ANO6: variants seen among roughly 807,000 people sequenced by gnomAD.
The protein encoded by ANO6 is anoctamin-6.
Under a neutral mutation model 117.5 loss-of-function variants are expected in ANO6, and 106 were observed. That is an observed-to-expected ratio of 0.90 (90% CI 0.77 to 1.06). ANO6 has a LOEUF of 1.06. Ranked by LOEUF, ANO6 falls within the 50% of genes least tolerant of loss-of-function variation. ANO6 has a pLI of 0.00. For missense variants in ANO6, 955 were observed against 1,121.1 expected (o/e 0.85, Z 2.12); for synonymous variants, 367 against 385.1 (o/e 0.95, Z 0.55).
chr12:45,280,917 T>C (rs1279911500), intron 1 of ANO6, among the ~76,000 whole-genome samples: 1 of 152,016 alleles, frequency 6.6e-6, no homozygotes, highest in Non-Finnish European at 1.5e-5. Context: ...ATTTTATATA[T>C]AATGCATATA....
downstream of ANO6, among the ~76,000 whole-genome samples, chr12:45,433,081 C>T (rs991078364): frequency 1.3e-5 from 2 of 152,196 alleles, no homozygotes; most frequent in African/African-American, 4.8e-5. Flanking sequence ...CTGACAGCTT[C>T]CCTAATTTTG....
chr12:45,315,793 G>A lies in ANO6; in HGVS notation c.150+13700G>A, dbSNP rs544303914. ...AAATGTAATCATCATCCTCTCAGCCGCTCAAGCCAGAAACCTCAGGATCTT... is the reference window on the plus strand; with the variant it reads ...AAATGTAATCATCATCCTCTCAGCCACTCAAGCCAGAAACCTCAGGATCTT... On this transcript the variant is annotated intron_variant, in intron 2 of 19. Transcript: ENST00000320560. Among the ~76,000 whole-genome samples, 58 of 152,048 alleles carry A rather than the reference G, an allele frequency of 3.8e-4. No individual in the cohort carries two copies. In the East Asian group the frequency reaches 9.1e-3, roughly 24 times the overall value.
chr12:45,350,628 T>C (rs1178514562), intron 6 of ANO6, 31 bp from the exon 7 acceptor site: 1 of 1,534,802 alleles, frequency 6.5e-7, no homozygotes, highest in East Asian at 2.2e-5. Flanking sequence ...ACGATGATTA[T>C]GGTGCTTACA....
intron 12 of ANO6, 113 bp downstream of exon 12, chr12:45,390,611 T>C (rs1053834178): frequency 8.3e-6 from 8 of 959,314 alleles, no homozygotes; most frequent in Non-Finnish European, 1.3e-5. Flanking sequence ...GCCTGGAAAC[T>C]ATATGGTCTC....
At position 45,286,771 on chromosome 12, in the gene ANO6, A is replaced by G. The variant is rs539090163; in HGVS notation, c.71-15243A>G. Among the ~76,000 whole-genome samples the G allele has an allele frequency of 5.1e-4, 77 of 152,350 alleles. 1 individual carries two copies. The South Asian group carries it at 0.01, about 20-fold the overall frequency. On this transcript the variant is annotated intron_variant, in intron 1 of 19. Transcript: ENST00000320560. The stretch of plus-strand genomic sequence containing the variant: ...TTTACTATGTGTAAGTAACCAGGCT[A>G]AACACTTCACATGCCACAACTCATT...
intron 1 of ANO6, among the ~76,000 whole-genome samples, chr12:45,299,001 C>A (rs1293979907): frequency 1.3e-5 from 2 of 151,404 alleles, no homozygotes; most frequent in Admixed American, 1.3e-4. Context: ...AAAACAAAAA[C>A]CCCACAGTAT....
At chr12:45,272,893 T>C (rs766454033) in intron 1 of ANO6, among the ~76,000 whole-genome samples, 24 of 152,154 alleles carry the variant, frequency 1.6e-4, no homozygotes, top group Non-Finnish European at 3.2e-4. Flanking sequence ...AGTCAAGATA[T>C]GGAAACAACC....
chr12:45,410,553 C>T (rs1014632886), intron 16 of ANO6, among the ~76,000 whole-genome samples: 3 of 152,170 alleles, frequency 2.0e-5, no homozygotes, highest in Admixed American at 6.5e-5. Flanking sequence ...ATGCATGACA[C>T]GCTTATATCT....
intron 1 of ANO6, among the ~76,000 whole-genome samples, chr12:45,238,573 CTG>C (rs1166623383): frequency 2.6e-5 from 4 of 152,114 alleles, no homozygotes; most frequent in African/African-American, 7.2e-5. Context: ...ACTTCCAACA[CTG>C]TGTTAAATAG....
intron 1 of ANO6, among the ~76,000 whole-genome samples, chr12:45,252,857 A>G (rs1022595265): frequency 1.3e-5 from 2 of 152,234 alleles, no homozygotes; most frequent in African/African-American, 2.4e-5. Context: ...CAAGGGACAA[A>G]TTATGGTAAG....
chr12:45,401,454 G>A (rs1942783548), intron 12 of ANO6, among the ~76,000 whole-genome samples: 1 of 152,078 alleles, frequency 6.6e-6, no homozygotes, highest in African/African-American at 2.4e-5. Flanking sequence ...TTTTTATGCT[G>A]TCTGAAGATA....
chr12:45,273,573 G>A (rs986634198), intron 1 of ANO6, among the ~76,000 whole-genome samples: 22 of 152,186 alleles, frequency 1.4e-4, no homozygotes, highest in African/African-American at 5.3e-4. Context: ...TTGGTAAAAT[G>A]GGAATGATAA....
At chr12:45,297,195 A>G (rs182191991) in intron 1 of ANO6, among the ~76,000 whole-genome samples, 32 of 152,230 alleles carry the variant, frequency 2.1e-4, no homozygotes, top group African/African-American at 7.0e-4. Context: ...TATATTCACT[A>G]TCTTTGATAA....
chr12:45,381,468 C>T (rs974380630), intron 10 of ANO6, among the ~76,000 whole-genome samples: 1 of 152,188 alleles, frequency 6.6e-6, no homozygotes, highest in African/African-American at 2.4e-5. Context: ...TGCACGGTCA[C>T]CCCAGGGCTT....
chr12:45,291,091 G>A (rs934792599), intron 1 of ANO6, among the ~76,000 whole-genome samples: 64 of 152,086 alleles, frequency 4.2e-4, no homozygotes, highest in Admixed American at 3.3e-3. Flanking sequence ...TTCCACATGC[G>A]AAAAGAGCAA....
Position 45,319,250 on chromosome 12 carries a change from G to A in ANO6, c.151-12045G>A, listed in dbSNP as rs530700071. Among the ~76,000 whole-genome samples, 3 of 152,168 alleles carry A rather than the reference G, an allele frequency of 2.0e-5. No individual in the cohort carries two copies. In the East Asian group the frequency reaches 5.8e-4, roughly 29 times the overall value. On this transcript the variant is annotated intron_variant, in intron 2 of 19. Coordinates refer to ENST00000320560, the MANE Select transcript of ANO6 (RefSeq NM_001025356.3). ...CCATTCAGTATGATATTGGCTGTGG[G>A]TTTGTCATAAATAGCTCTTATCATT...
In ANO6 at chr12:45,391,966, A is replaced by T. The variant is rs1316206959; in HGVS notation, c.1386+1468A>T. The stretch of plus-strand genomic sequence containing the variant: ...AAGACGGGTAATTTCTGCATTTCCA[A>T]CTGAGGTACCTGGTTCATCTCATTG... On this transcript the variant is annotated intron_variant, in intron 12 of 19. Coordinates refer to ENST00000320560, the MANE Select transcript of ANO6 (RefSeq NM_001025356.3). Among the ~76,000 whole-genome samples, 3 of 152,220 alleles carry T rather than the reference A, an allele frequency of 2.0e-5. No homozygotes were observed. In the South Asian group the frequency reaches 6.2e-4, roughly 32 times the overall value.
rs78305407 is a variant in ANO6, at chr12:45,413,945, C to G, written c.2012-2754C>G. On this transcript the variant is annotated intron_variant, in intron 16 of 19. Coordinates refer to ENST00000320560, the MANE Select transcript of ANO6 (RefSeq NM_001025356.3). ...TCAAGGGGAAACAAATATTCCACAG[C>G]AGGGGGACTGTTTGACCATGTCACA... Among the ~76,000 whole-genome samples the G allele has an allele frequency of 7.9e-3, 1,207 of 152,078 alleles. 16 individuals are homozygous for G. Among genetic ancestry groups the G allele is most frequent in the African/African-American group, 0.028 (1,162 of 41,460 alleles).
In ANO6 at chr12:45,429,261, G is replaced by A. The variant is rs1180926498; in HGVS notation, c.2683G>A (p.Glu895Lys). 3.7e-6 allele frequency: 6 copies of A among 1,613,872 alleles called. No individual in the cohort carries two copies. The South Asian group carries it at 6.6e-5, about 18-fold the overall frequency. ...GACGAAAAATATGGGGGTGATAGCT[G>A]AGCGGATGATAGAAGCAGTAGATAA... is the stretch of plus-strand genomic sequence containing the variant. ...DMTKNMGVIA[E>K]RMIEAVDNNL... The change falls in exon 20 of 20, where the codon GAG becomes AAG. Residue 895 changes from glutamate to lysine, a missense_variant. Transcript: ENST00000320560.
Sources: allele counts gnomAD v4.1 joint callset (sites outside exome capture counted in the v4.1 genomes callset), GRCh38; gene constraint gnomAD v4.1.1; transcripts MANE v1.5; gene names NCBI Gene and HGNC (gene_info 2026-07-23, HGNC 2026-07-21).